The following SMYD2 variants were observed in gnomAD, a reference collection of about 807,000 sequenced individuals.
SMYD2 encodes the protein SET and MYND domain containing 2.
SMYD2 carries 53 observed loss-of-function variants against 59.1 expected under a neutral mutation model. The ratio of observed to expected loss-of-function variants is 0.90; its 90% CI spans 0.72 to 1.13. SMYD2 has a LOEUF of 1.13. Among genes scored for constraint, SMYD2 ranks in the 50% most tolerant of loss-of-function variants. The pLI is 0.00. For missense variants in SMYD2, 494 were observed against 544.7 expected, an observed-to-expected ratio of 0.91 and a Z score of 0.93; for synonymous variants, 208 against 198.8, an observed-to-expected ratio of 1.05 and a Z score of -0.39.
At chr1:214,306,056 T>C (rs1656910441) in intron 2 of SMYD2, among the ~76,000 whole-genome samples, 1 of 152,232 alleles carries the variant, frequency 6.6e-6, no homozygotes, top group Non-Finnish European at 1.5e-5. Flanking sequence ...CCTTCTTGTT[T>C]GATCTCTCTG....
At chr1:214,327,022 A>ATC (rs1385343786) in intron 6 of SMYD2, among the ~76,000 whole-genome samples, 2 of 152,246 alleles carry the variant, frequency 1.3e-5, no homozygotes, top group South Asian at 4.1e-4. Context: ...GCATAGGCGA[A>ATC]TCTCTCTCTC....
intron 1 of SMYD2, among the ~76,000 whole-genome samples, chr1:214,291,061 A>G (rs902085218): frequency 3.3e-5 from 5 of 152,240 alleles, no homozygotes; most frequent in African/African-American, 4.8e-5. Flanking sequence ...ATGAGCCAAT[A>G]GTATACTCCC....
At chr1:214,327,129 C>T (rs775351656) in intron 6 of SMYD2, among the ~76,000 whole-genome samples, 31 of 152,204 alleles carry the variant, frequency 2.0e-4, no homozygotes, top group Non-Finnish European at 4.0e-4. Flanking sequence ...GAAACTCAGA[C>T]GGGTGTCTCC....
At chr1:214,288,290 G>A (rs1425948478) in intron 1 of SMYD2, among the ~76,000 whole-genome samples, 2 of 152,180 alleles carry the variant, frequency 1.3e-5, no homozygotes, top group African/African-American at 4.8e-5. Context: ...TATACACAGG[G>A]CCTTATTCCA....
intron 1 of SMYD2, among the ~76,000 whole-genome samples, chr1:214,294,695 T>A (rs1403624288): frequency 6.6e-6 from 1 of 152,028 alleles, no homozygotes; most frequent in African/African-American, 2.4e-5. Context: ...AAAACACACA[T>A]TTTCCTGTAA....
intron 2 of SMYD2, among the ~76,000 whole-genome samples, chr1:214,306,007 A>G (rs1656909894): frequency 6.6e-6 from 1 of 152,238 alleles, no homozygotes; most frequent in African/African-American, 2.4e-5. Flanking sequence ...AACCTGTTAT[A>G]GTCTTTAATA....
At chr1:214,285,016 C>G (rs376118276) in intron 1 of SMYD2, among the ~76,000 whole-genome samples, 7 of 152,054 alleles carry the variant, frequency 4.6e-5, no homozygotes, top group East Asian at 1.9e-4. Context: ...TTTGTTTGTT[C>G]TGAGTGTAGG....
At chr1:214,333,902 A>T in intron 10 of SMYD2, 1 of 242,856 alleles carries the variant, frequency 4.1e-6, no homozygotes, top group Admixed American at 4.6e-5. Context: ...TCTGAAATAT[A>T]AAAATCTGGA....
chr1:214,315,013 G>A (rs1022773808), intron 3 of SMYD2, 141 bp downstream of exon 3: 8 of 670,336 alleles, frequency 1.2e-5, no homozygotes, highest in Non-Finnish European at 1.3e-5. Flanking sequence ...TATGGACAGG[G>A]GTGGGGAAAA....
Position 214,312,319 on chromosome 1 carries a change from C to T in SMYD2, c.238-2443C>T, listed in dbSNP as rs148426773. Among the ~76,000 whole-genome samples the T allele has an allele frequency of 2.8e-4, 42 of 152,278 alleles. No individual in the cohort carries two copies. Among genetic ancestry groups the T allele is most frequent in the African/African-American group, 9.6e-4 (40 of 41,556 alleles). On this transcript the variant is annotated intron_variant, in intron 2 of 11. Transcript: ENST00000366957. This position sits in a 1 kb window ranked among gnomAD's most constrained non-coding sequence, Gnocchi z 4.1. The stretch of plus-strand genomic sequence containing the variant: ...GGAGATATCTTCATTCCTTCAACAA[C>T]TATATTGAGTGCCTACTAAATGCCA...
chr1:214,324,138 T>C (rs1228315556), intron 5 of SMYD2, among the ~76,000 whole-genome samples: 1 of 152,102 alleles, frequency 6.6e-6, no homozygotes, highest in Non-Finnish European at 1.5e-5. Context: ...GGTTTCTCCA[T>C]GTTGGTCAGG....
intron 2 of SMYD2, among the ~76,000 whole-genome samples, chr1:214,314,159 G>C (rs1008109572): frequency 6.6e-6 from 1 of 151,552 alleles, no homozygotes; most frequent in Non-Finnish European, 1.5e-5. Context: ...CCTGGCAACA[G>C]AGCGAGACTC....
intron 2 of SMYD2, among the ~76,000 whole-genome samples, chr1:214,314,376 C>T (rs1262651807): frequency 6.6e-6 from 1 of 152,138 alleles, no homozygotes; most frequent in Non-Finnish European, 1.5e-5. Context: ...AAAGCCAGAG[C>T]GGAACTGTGA....
At chr1:214,316,453 C>G (rs1657086840) in intron 3 of SMYD2, among the ~76,000 whole-genome samples, 1 of 151,950 alleles carries the variant, frequency 6.6e-6, no homozygotes, top group South Asian at 2.1e-4. Flanking sequence ...CATACTCCAT[C>G]CAGCCTGAGC....
chr1:214,328,950 T>C (rs902236123), intron 7 of SMYD2, among the ~76,000 whole-genome samples: 6 of 152,206 alleles, frequency 3.9e-5, no homozygotes, highest in Non-Finnish European at 8.8e-5. Flanking sequence ...GATGAGCAGG[T>C]TGTCACCTAA....
chr1:214,327,798 G>A, intron 7 of SMYD2, 74 bp downstream of exon 7: 4 of 1,266,030 alleles, frequency 3.2e-6, no homozygotes, highest in South Asian at 2.4e-5. Context: ...GGACAGATCT[G>A]TGCAGTGTCA....
intron 5 of SMYD2, among the ~76,000 whole-genome samples, chr1:214,320,406 T>G (rs188818496): frequency 8.0e-4 from 122 of 152,262 alleles, no homozygotes; most frequent in African/African-American, 2.8e-3. Context: ...CATGTATAAC[T>G]TACAAAAAGC....
chr1:214,281,516 C>G (rs1376666063), intron 1 of SMYD2, 89 bp downstream of exon 1: 19 of 1,130,774 alleles, frequency 1.7e-5, no homozygotes, highest in Non-Finnish European at 5.5e-6. Flanking sequence ...GCGTGCGGCT[C>G]GCGGGGTCCT....
chr1:214,330,104 C>G, intron 7 of SMYD2, 64 bp from the exon 8 acceptor site: 2 of 1,143,996 alleles, frequency 1.7e-6, no homozygotes. Context: ...TGCAAAGGCA[C>G]GGGAATGACA....
Sources: allele counts gnomAD v4.1 joint callset (sites outside exome capture counted in the v4.1 genomes callset), GRCh38; gene constraint gnomAD v4.1.1; non-coding constraint Gnocchi (gnomAD v3.1); transcripts MANE v1.5; gene names NCBI Gene and HGNC (gene_info 2026-07-23, HGNC 2026-07-21).